The following CCDC102B variants were observed in gnomAD, a reference collection of about 807,000 sequenced individuals.
CCDC102B encodes the protein coiled-coil domain containing 102B.
CCDC102B carries 75 observed loss-of-function variants against 57.4 expected under a neutral mutation model. The ratio of observed to expected loss-of-function variants is 1.31; its 90% CI spans 1.08 to 1.58. The LOEUF (loss-of-function observed/expected upper bound fraction) is 1.58, where lower values mean the gene tolerates loss of function less well. CCDC102B is among the 40% of genes most tolerant of loss of function. The probability of loss-of-function intolerance (pLI) is 0.00; values close to 1 mark genes in which losing one functional copy is unlikely to be tolerated. For synonymous variants in CCDC102B, 206 were observed against 201.9 expected, an observed-to-expected ratio of 1.02 and a Z score of -0.17; for missense variants, 636 against 582.6, an observed-to-expected ratio of 1.09 and a Z score of -0.94.
chr18:69,030,085 A>G (rs983509889), intron 7 of CCDC102B, among the ~76,000 whole-genome samples: 1 of 152,188 alleles, frequency 6.6e-6, no homozygotes, highest in Admixed American at 6.5e-5. Flanking sequence ...AATACTGCTT[A>G]TTAGGTACCT....
chr18:68,943,895 T>A (rs2049458428), intron 6 of CCDC102B, among the ~76,000 whole-genome samples: 1 of 152,106 alleles, frequency 6.6e-6, no homozygotes, highest in Non-Finnish European at 1.5e-5. Context: ...AAACAAATGG[T>A]TACAGAGAGA....
intron 2 of CCDC102B, among the ~76,000 whole-genome samples, chr18:68,723,253 G>T (rs2032437722): frequency 1.3e-5 from 2 of 152,096 alleles, no homozygotes; most frequent in African/African-American, 4.8e-5. Context: ...GATACATGGG[G>T]ATTATTACAA....
rs75473222 is a variant in CCDC102B at position 68,923,970 on chromosome 18, G to A, written c.1263+26542G>A. 2.2e-3 allele frequency among the ~76,000 whole-genome samples: 340 copies of A among 152,134 alleles called. No homozygotes were observed. The South Asian group carries it at 0.025, about 11-fold the overall frequency. ...CACAGCTATTATACTTTCCTGAAAT[G>A]CCTGTTTCATTCTATGTTTATGGCT... On this transcript the variant is annotated intron_variant, in intron 6 of 7. Transcript: ENST00000360242.
At chr18:69,039,263 G>A (rs1275415031) in intron 7 of CCDC102B, among the ~76,000 whole-genome samples, 1 of 151,898 alleles carries the variant, frequency 6.6e-6, no homozygotes, top group Non-Finnish European at 1.5e-5. Flanking sequence ...CAGTTGCAGA[G>A]CTTGCTTTTA....
intron 2 of CCDC102B, among the ~76,000 whole-genome samples, chr18:68,792,931 C>T (rs2035509680): frequency 6.6e-6 from 1 of 152,082 alleles, no homozygotes; most frequent in African/African-American, 2.4e-5. Context: ...ACAATTATTC[C>T]TATTTTTAAA....
chr18:69,010,636 T>G (rs1301229341), intron 6 of CCDC102B, among the ~76,000 whole-genome samples: 1 of 152,244 alleles, frequency 6.6e-6, no homozygotes, highest in African/African-American at 2.4e-5. Flanking sequence ...ATTTTATTTA[T>G]GGTTATGTGA....
chr18:68,877,254 A>G (rs1284346974), intron 5 of CCDC102B, among the ~76,000 whole-genome samples: 3 of 152,220 alleles, frequency 2.0e-5, no homozygotes, highest in Non-Finnish European at 4.4e-5. Flanking sequence ...GAGTGGGAAA[A>G]GAAGGGACTG....
downstream of CCDC102B, among the ~76,000 whole-genome samples, chr18:69,055,846 C>T (rs1272190149): frequency 6.6e-6 from 1 of 152,044 alleles, no homozygotes; most frequent in Non-Finnish European, 1.5e-5. Flanking sequence ...AAGGGTTGCT[C>T]ATCCGACAAT....
At chr18:68,877,984 G>T (rs888948586) in intron 5 of CCDC102B, among the ~76,000 whole-genome samples, 5 of 152,186 alleles carry the variant, frequency 3.3e-5, no homozygotes, top group African/African-American at 9.7e-5. Flanking sequence ...TCAAAAAAGA[G>T]AGCCTTCTAT....
chr18:69,048,388 A>T (rs1333513816), intron 7 of CCDC102B, among the ~76,000 whole-genome samples: 1 of 152,116 alleles, frequency 6.6e-6, no homozygotes, highest in Non-Finnish European at 1.5e-5. Flanking sequence ...ATAAATTTTT[A>T]ATGAGGCATG....
chr18:68,976,487 T>C (rs1274185528), intron 6 of CCDC102B, among the ~76,000 whole-genome samples: 2 of 152,040 alleles, frequency 1.3e-5, no homozygotes, highest in East Asian at 3.9e-4. Context: ...TAAAGTCCAG[T>C]AAGTGGTAGT....
Position 68,994,685 on chromosome 18 carries a change from G to C in CCDC102B, c.1264-16249G>C, listed in dbSNP as rs140463199. On this transcript the variant is annotated intron_variant, in intron 6 of 7. Coordinates refer to ENST00000360242, the MANE Select transcript of CCDC102B (RefSeq NM_024781.3). Reference sequence around the variant, plus strand: ...TGATGCCTTGTGAAGAAAGTGCTTTGCTTCCCCTTCACCTTCTGACATGAT... The same window carrying C: ...TGATGCCTTGTGAAGAAAGTGCTTTCCTTCCCCTTCACCTTCTGACATGAT... Among the ~76,000 whole-genome samples the C allele has an allele frequency of 7.8e-4, 119 of 152,278 alleles. No individual in the cohort carries two copies. The East Asian group carries it at 0.019, about 24-fold the overall frequency.
intron 6 of CCDC102B, among the ~76,000 whole-genome samples, chr18:68,991,025 T>A (rs1358494093): frequency 6.6e-6 from 1 of 152,140 alleles, no homozygotes; most frequent in Non-Finnish European, 1.5e-5. Context: ...TCTTGGAATC[T>A]GAGTTACTTC....
intron 6 of CCDC102B, among the ~76,000 whole-genome samples, chr18:68,950,475 A>G (rs1248628119): frequency 6.6e-6 from 1 of 152,170 alleles, no homozygotes; most frequent in East Asian, 1.9e-4. Context: ...GTATAATATT[A>G]TGTAGACCCA....
downstream of CCDC102B, among the ~76,000 whole-genome samples, chr18:69,055,776 T>C (rs1026439401): frequency 1.3e-5 from 2 of 152,094 alleles, no homozygotes; most frequent in Non-Finnish European, 2.9e-5. Flanking sequence ...TATAGTTTCT[T>C]GCACACAACA....
Position 69,017,298 on chromosome 18 carries a change from G to A in CCDC102B, c.1434+6194G>A, listed in dbSNP as rs867310238. ...GCCTGGCTATTTTTTTTGTGTGTGT[G>A]TTTTTCTGCAGAGATGGGGTTTCTT... is the stretch of plus-strand genomic sequence containing the variant. On this transcript the variant is annotated intron_variant, in intron 7 of 7. Coordinates refer to ENST00000360242, the MANE Select transcript of CCDC102B (RefSeq NM_024781.3). Among the ~76,000 whole-genome samples the A allele has an allele frequency of 4.6e-5, 7 of 151,848 alleles. No individual in the cohort carries two copies. In the East Asian group the frequency reaches 1.4e-3, roughly 30 times the overall value.
intron 6 of CCDC102B, among the ~76,000 whole-genome samples, chr18:68,963,730 T>G (rs1420242097): frequency 1.3e-5 from 2 of 151,860 alleles, no homozygotes; most frequent in African/African-American, 4.8e-5. Context: ...TATCATGGGT[T>G]TTTTTGGCTG....
At chr18:68,772,218 T>G (rs1385677266) in intron 2 of CCDC102B, among the ~76,000 whole-genome samples, 1 of 152,178 alleles carries the variant, frequency 6.6e-6, no homozygotes, top group Non-Finnish European at 1.5e-5. Context: ...CAAAATCTAG[T>G]ATCGTTTAAC....
At chr18:68,726,133 T>C (rs1250947846) in intron 2 of CCDC102B, among the ~76,000 whole-genome samples, 4 of 152,218 alleles carry the variant, frequency 2.6e-5, no homozygotes, top group South Asian at 2.1e-4. Context: ...TTCAAAAGTA[T>C]ACCATGGGGA....
Sources: gnomAD v4.1 joint callset for allele counts (sites outside exome capture counted in the v4.1 genomes callset) on GRCh38, gnomAD v4.1.1 for gene constraint, MANE v1.5 for transcripts, NCBI Gene and HGNC (gene_info 2026-07-23, HGNC 2026-07-21) for gene names.